Variants in RAD50 observed in about 807,000 individuals in gnomAD.
RAD50 encodes DNA repair protein RAD50.
Under a neutral mutation model 168.8 loss-of-function variants are expected in RAD50, and 132 were observed. The ratio of observed to expected loss-of-function variants is 0.78; its 90% confidence interval spans 0.68 to 0.90. The LOEUF is 0.90. Among genes scored for constraint, RAD50 ranks in the 40% least tolerant of loss-of-function variants. The pLI is 0.00. For synonymous variants in RAD50, 525 were observed against 497.4 expected, an observed-to-expected ratio of 1.06 and a Z score of -0.74; for missense variants, 1,347 against 1,534.4, an observed-to-expected ratio of 0.88 and a Z score of 2.04.
At chr5:132,621,828 G>C (rs1751291060) in intron 21 of RAD50, among the ~76,000 whole-genome samples, 1 of 152,036 alleles carries the variant, frequency 6.6e-6, no homozygotes, top group Admixed American at 6.5e-5. Context: ...AGTGTGTCTA[G>C]ACTCAGCTTT....
At chr5:132,619,938 T>C (rs1472855789) in intron 21 of RAD50, among the ~76,000 whole-genome samples, 1 of 144,050 alleles carries the variant, frequency 6.9e-6, no homozygotes, top group Non-Finnish European at 1.5e-5. Flanking sequence ...GGAGTCTCAC[T>C]CAGTCGCCCA....
At chr5:132,639,844 C>A (rs1429787815) in intron 23 of RAD50, among the ~76,000 whole-genome samples, 4 of 152,210 alleles carry the variant, frequency 2.6e-5, no homozygotes, top group Non-Finnish European at 4.4e-5. Context: ...AGCTGTGGCC[C>A]TGTCTTCTGG....
chr5:132,591,777 T>C (rs892701754), intron 10 of RAD50, 100 bp from the exon 11 acceptor site: 1 of 875,260 alleles, frequency 1.1e-6, no homozygotes, highest in South Asian at 1.9e-5. Flanking sequence ...TTTTTATAGT[T>C]TTAAGCTTAG....
chr5:132,609,474 T>C (rs1328329812), intron 19 of RAD50, 78 bp downstream of exon 19: 1 of 1,567,284 alleles, frequency 6.4e-7, no homozygotes, highest in Non-Finnish European at 8.7e-7. Context: ...AGAAGATCCA[T>C]TGAATAGAAA....
chr5:132,599,743 T>C (rs1010629377), intron 13 of RAD50, among the ~76,000 whole-genome samples: 2 of 151,814 alleles, frequency 1.3e-5, no homozygotes, highest in African/African-American at 4.8e-5. Context: ...TTTTTTTTTT[T>C]AAATATGGGA....
At chr5:132,642,109 G>A (rs536176288) in intron 24 of RAD50, 69 bp from the exon 25 acceptor site, 24 of 1,502,572 alleles carry the variant, frequency 1.6e-5, no homozygotes, top group Admixed American at 5.0e-5. Flanking sequence ...CAAGGTTTGC[G>A]GTGACTTTTC....
At chr5:132,597,763 T>C (rs1480461033) in intron 13 of RAD50, among the ~76,000 whole-genome samples, 2 of 152,228 alleles carry the variant, frequency 1.3e-5, no homozygotes, top group Non-Finnish European at 2.9e-5. Context: ...TGCTAAGTTT[T>C]GGGATACTTT....
In RAD50 at chr5:132,588,023, C is replaced by G. The variant is rs786202243; in HGVS notation, c.985C>G (p.Leu329Val). 1 of 1,612,054 alleles carries G rather than the reference C, an allele frequency of 6.2e-7. No homozygotes were observed. The highest frequency in any genetic ancestry group is 1.7e-5 in the Admixed American group (1 of 59,976). Reference sequence around the variant, plus strand: ...GAAATTGGTAGACTGTCATCGTGAACTGGAAAAACTAAATAAAGAATCTAG... The same window carrying G: ...GAAATTGGTAGACTGTCATCGTGAAGTGGAAAAACTAAATAAAGAATCTAG... ...ERKLVDCHRE[L>V]EKLNKESRLL... is the part of the protein sequence containing the mutation. The change falls in exon 7 of 25, where the codon CTG becomes GTG. Residue 329 changes from leucine to valine, a missense_variant. By Grantham distance (32) the Leu-to-Val change is conservative (BLOSUM62 1). Around this residue, in one of 3 missense-constraint regions of RAD50, gnomAD observed 703 missense variants for 767.7 expected, o/e 0.92. Transcript: ENST00000378823.
At chr5:132,564,029 G>A (rs1228237350) in intron 2 of RAD50, among the ~76,000 whole-genome samples, 2 of 152,152 alleles carry the variant, frequency 1.3e-5, no homozygotes, top group African/African-American at 4.8e-5. Context: ...GCAGAACCGT[G>A]AGCCAATTAA....
At chr5:132,602,392 A>G (rs1750904159) in intron 13 of RAD50, among the ~76,000 whole-genome samples, 1 of 152,136 alleles carries the variant, frequency 6.6e-6, no homozygotes. Flanking sequence ...GATTAAATAC[A>G]TATTATTGTT....
Position 132,643,734 on chromosome 5 carries a change from G to GGGGC in RAD50, c.*1370_*1371insGGGC. On this transcript the variant is annotated 3_prime_UTR_variant, in exon 25 of 25. Transcript: ENST00000378823. ...GGGGGTGGTGGTGGGGTGGGGGGGG[G>GGGGC]TCCTAAATGTAATCACGAGTAAGAT... 5.6e-6 allele frequency: 1 copy of GGGGC among 177,114 alleles called. No individual in the cohort carries two copies. Among genetic ancestry groups the GGGGC allele is most frequent in the Non-Finnish European group, 1.2e-5 (1 of 84,834 alleles). 11.0% of individuals were successfully genotyped at this position (177,114 alleles called of 1,614,324 possible).
chr5:132,580,189 A>G (rs1343270325), intron 5 of RAD50, 123 bp downstream of exon 5: 9 of 779,392 alleles, frequency 1.2e-5, no homozygotes, highest in Non-Finnish European at 1.7e-5. Flanking sequence ...CATTACTTCA[A>G]TTTTTTTATG....
Position 132,557,530 on chromosome 5 carries a change from C to T in RAD50, c.129+77C>T, listed in dbSNP as rs920155326. On this transcript the variant is annotated intron_variant, in intron 1 of 24. Coordinates refer to ENST00000378823, the MANE Select transcript of RAD50 (RefSeq NM_005732.4). ...AATAAAATGGGAAGTTGAGAACTCTCCTTAGGAGCAGAAGCGTCCCTAGGG... is the reference window on the plus strand; with the variant it reads ...AATAAAATGGGAAGTTGAGAACTCTTCTTAGGAGCAGAAGCGTCCCTAGGG... 3.2e-6 allele frequency: 5 copies of T among 1,587,074 alleles called. No individual in the cohort carries two copies. The African/African-American group carries it at 5.4e-5, about 17-fold the overall frequency.
Position 132,591,390 on chromosome 5 carries a change from T to C in RAD50, c.1619T>C (p.Met540Thr), listed in dbSNP as rs566176121. 2 of 1,613,746 alleles carry C rather than the reference T, an allele frequency of 1.2e-6. No homozygotes were observed. The highest frequency in any genetic ancestry group is 2.2e-5 in the South Asian group (2 of 91,078). Reference sequence around the variant, plus strand: ...ACAACAACACGTACCCAAATGGAGATGCTGACCAAAGACAAAGTATGATTT... The same window carrying C: ...ACAACAACACGTACCCAAATGGAGACGCTGACCAAAGACAAAGTATGATTT... ...HHTTTRTQMEMLTKDKADKDE... is the reference protein window; with the variant it reads ...HHTTTRTQMETLTKDKADKDE... Residue 540 changes from methionine to threonine, a missense_variant, in exon 10 of 25, where the codon ATG (methionine) becomes ACG (threonine). Physicochemically the swap from Met to Thr is moderately conservative, Grantham distance 81 (BLOSUM62 -1). This residue lies in a region of RAD50 where 703 missense variants were observed against 767.7 expected (regional missense o/e 0.92). Transcript: ENST00000378823.
chr5:132,609,943 G>C (rs1468744527), intron 19 of RAD50, among the ~76,000 whole-genome samples: 1 of 151,734 alleles, frequency 6.6e-6, no homozygotes, highest in Non-Finnish European at 1.5e-5. Context: ...ACTTCTACAT[G>C]TCATTAACTG....
rs2149846873 is a variant in RAD50 at position 132,603,324 on chromosome 5, GA to G, written c.2234del (p.Lys745ArgfsTer6). The G allele has an allele frequency of 6.2e-7, 1 of 1,613,184 alleles. No homozygotes were observed. Among genetic ancestry groups the G allele is most frequent in the Non-Finnish European group, 8.5e-7 (1 of 1,179,418 alleles). ...GGCAAAGCATAATTGATTTGAAGGAGAAGGAAATACCAGAATTAAGAAACAA... is the reference window on the plus strand; with the variant it reads ...GGCAAAGCATAATTGATTTGAAGGAGAGGAAATACCAGAATTAAGAAACAA... ...MRQSIIDLKE[K>X]EIPELRNKLQ... On this transcript the variant is annotated frameshift_variant, in exon 14 of 25. Transcript: ENST00000378823. LOFTEE classifies it high-confidence loss of function.
intron 24 of RAD50, 129 bp from the exon 25 acceptor site, chr5:132,642,048 TC>T: frequency 1.0e-6 from 1 of 979,724 alleles, no homozygotes; most frequent in East Asian, 2.6e-5. Flanking sequence ...CCCCTCCACT[TC>T]CTGCAGGGTA....
At chr5:132,608,502 T>C (rs993503090) in intron 16 of RAD50, 113 bp from the exon 17 acceptor site, 51 of 894,910 alleles carry the variant, frequency 5.7e-5, no homozygotes, top group Non-Finnish European at 7.2e-5. Context: ...AGCAAATGAG[T>C]TGACTTTTAG....
chr5:132,604,072 C>T (rs1750937709), intron 15 of RAD50, 26 bp downstream of exon 15: 23 of 1,611,542 alleles, frequency 1.4e-5, no homozygotes, highest in Non-Finnish European at 2.0e-5. Flanking sequence ...TCCTTCTGTA[C>T]TCATAGAGAC....
Sources: gnomAD v4.1 joint callset for allele counts (sites outside exome capture counted in the v4.1 genomes callset) on GRCh38, gnomAD v4.1.1 for gene constraint, gnomAD v4.1.1 regional missense constraint, MANE v1.5 for transcripts, NCBI Gene and HGNC (gene_info 2026-07-23, HGNC 2026-07-21) for gene names.